P2RY14: variants seen among roughly 807,000 people sequenced by gnomAD.
P2RY14 encodes P2Y purinoceptor 14.
Under a neutral mutation model 0.9 loss-of-function variants are expected in P2RY14, and 2 were observed. The observed-to-expected ratio is 2.16, with a 90% CI of 0.88 to 6.79. The LOEUF (loss-of-function observed/expected upper bound fraction) is 6.79. Among genes scored for constraint, P2RY14 ranks in the 30% most tolerant of loss-of-function variants. The pLI, the probability that P2RY14 is intolerant of heterozygous loss-of-function variation, is 0.05. For missense variants in P2RY14, 378 were observed against 400.1 expected (o/e 0.94, Z 0.47); for synonymous variants, 158 against 147.2 (o/e 1.07, Z -0.53).
At chr3:151,236,833 G>C (rs1233622388) in intron 1 of P2RY14, among the ~76,000 whole-genome samples, 2 of 152,008 alleles carry the variant, frequency 1.3e-5, no homozygotes, top group East Asian at 3.8e-4. Flanking sequence ...TTTGGTTACT[G>C]TATAGCATTC....
chr3:151,244,889 AAAAG>A (rs1022262658), intron 1 of P2RY14, among the ~76,000 whole-genome samples: 31 of 152,262 alleles, frequency 2.0e-4, no homozygotes, highest in East Asian at 5.8e-4. Flanking sequence ...AATAAAGAAA[AAAAG>A]AGAGAAGAAT....
chr3:151,243,620 T>C (rs1734721421), intron 1 of P2RY14, among the ~76,000 whole-genome samples: 1 of 151,714 alleles, frequency 6.6e-6, no homozygotes, highest in African/African-American at 2.4e-5. Context: ...AAGGAAGCGC[T>C]AAACATGGAA....
intron 1 of P2RY14, among the ~76,000 whole-genome samples, chr3:151,227,421 G>A (rs562520630): frequency 7.7e-4 from 117 of 152,306 alleles, no homozygotes; most frequent in Middle Eastern, 3.4e-3. Context: ...AATGGTAAGG[G>A]GGGACGGATT....
intron 1 of P2RY14, among the ~76,000 whole-genome samples, chr3:151,253,667 G>A (rs890261964): frequency 3.3e-5 from 5 of 152,204 alleles, no homozygotes; most frequent in Non-Finnish European, 4.4e-5. Context: ...GAGGGGGTGG[G>A]TGGGTATTTT....
intron 1 of P2RY14, among the ~76,000 whole-genome samples, chr3:151,244,815 TAATG>T (rs1339527107): frequency 5.3e-5 from 8 of 151,984 alleles, no homozygotes; most frequent in Non-Finnish European, 7.4e-5. Context: ...TTCAAAAAAT[TAATG>T]AATCCAGGAG....
chr3:151,275,288 C>T (rs1741658439), intron 1 of P2RY14, among the ~76,000 whole-genome samples: 1 of 152,060 alleles, frequency 6.6e-6, no homozygotes, highest in East Asian at 1.9e-4. Flanking sequence ...TGATCTTTTC[C>T]TCTTTTCTTT....
chr3:151,242,065 C>A (rs1332345295), intron 1 of P2RY14, among the ~76,000 whole-genome samples: 1 of 152,100 alleles, frequency 6.6e-6, no homozygotes, highest in Non-Finnish European at 1.5e-5. Context: ...GCTTTTCCGA[C>A]GGGCTTAAAA....
chr3:151,273,904 T>A (rs1286545664), intron 1 of P2RY14, among the ~76,000 whole-genome samples: 1 of 152,226 alleles, frequency 6.6e-6, no homozygotes. Context: ...TAACATTTAT[T>A]GAAAACTTCA....
intron 1 of P2RY14, among the ~76,000 whole-genome samples, chr3:151,260,591 T>G (rs1443873533): frequency 6.6e-6 from 1 of 152,138 alleles, no homozygotes; most frequent in African/African-American, 2.4e-5. Context: ...ACTCAAGTGA[T>G]CCTCCTGCCA....
intron 1 of P2RY14, among the ~76,000 whole-genome samples, chr3:151,246,968 C>G (rs926863688): frequency 2.6e-5 from 4 of 152,146 alleles, no homozygotes; most frequent in African/African-American, 9.7e-5. Context: ...AGGACACGAA[C>G]AGACACTTCT....
intron 1 of P2RY14, among the ~76,000 whole-genome samples, chr3:151,272,385 T>A (rs948345888): frequency 6.6e-6 from 1 of 152,210 alleles, no homozygotes; most frequent in African/African-American, 2.4e-5. Context: ...CCCATAGTTA[T>A]CAGTCTATCA....
chr3:151,229,473 ATTTTTT>A (rs59434401), intron 1 of P2RY14, among the ~76,000 whole-genome samples: 3 of 90,122 alleles, frequency 3.3e-5, no homozygotes, highest in Non-Finnish European at 6.3e-5. Flanking sequence ...TGCCCGGCTA[ATTTTTT>A]TTTTTTTTTT....
intron 2 of P2RY14, among the ~76,000 whole-genome samples, chr3:151,218,423 T>TC (rs1258224862): frequency 6.6e-6 from 1 of 152,254 alleles, no homozygotes; most frequent in African/African-American, 2.4e-5. Flanking sequence ...GGAGCCCTGC[T>TC]CATTGATAGT....
chr3:151,229,361 G>T (rs1448955172), intron 1 of P2RY14, among the ~76,000 whole-genome samples: 1 of 148,514 alleles, frequency 6.7e-6, no homozygotes, highest in Non-Finnish European at 1.5e-5. Flanking sequence ...AGGCTGGAGG[G>T]CAGTTTCGTG....
intron 1 of P2RY14, among the ~76,000 whole-genome samples, chr3:151,253,342 C>G (rs1411701419): frequency 6.6e-6 from 1 of 152,186 alleles, no homozygotes; most frequent in Non-Finnish European, 1.5e-5. Context: ...CGCTCTTACC[C>G]CTCACTCCAG....
intron 2 of P2RY14, among the ~76,000 whole-genome samples, chr3:151,214,630 C>G (rs1727843869): frequency 6.7e-6 from 1 of 149,266 alleles, no homozygotes; most frequent in South Asian, 2.1e-4. Flanking sequence ...TTCCTTCTTC[C>G]TTTTTTTTGG....
At chr3:151,270,962 A>G (rs1341699565) in intron 1 of P2RY14, among the ~76,000 whole-genome samples, 1 of 152,134 alleles carries the variant, frequency 6.6e-6, no homozygotes, top group Non-Finnish European at 1.5e-5. Flanking sequence ...AAATGTTAAA[A>G]GTGTACAAGT....
At chr3:151,217,460 AG>A (rs950624856) in intron 2 of P2RY14, among the ~76,000 whole-genome samples, 2 of 152,192 alleles carry the variant, frequency 1.3e-5, no homozygotes, top group Non-Finnish European at 2.9e-5. Context: ...GTTGGATGGA[AG>A]GGACTGACTG....
At chr3:151,252,806 C>T (rs144977788) in intron 1 of P2RY14, among the ~76,000 whole-genome samples, 1 of 152,144 alleles carries the variant, frequency 6.6e-6, no homozygotes, top group Non-Finnish European at 1.5e-5. Context: ...TAGAACTTAT[C>T]TAGAAAACCT....
Sources: gnomAD v4.1 joint callset for allele counts (sites outside exome capture counted in the v4.1 genomes callset) on GRCh38, gnomAD v4.1.1 for gene constraint, MANE v1.5 for transcripts, NCBI Gene and HGNC (gene_info 2026-07-23, HGNC 2026-07-21) for gene names.